Variants in EZR observed in about 807,000 individuals in gnomAD.
EZR encodes ezrin, also known as cytovillin 2.
A neutral mutation model predicts 74.8 loss-of-function variants in EZR; 40 were observed. The observed-to-expected ratio is 0.53, with a 90% CI of 0.42 to 0.70. The LOEUF (loss-of-function observed/expected upper bound fraction) is 0.70, where lower values mean the gene tolerates loss of function less well. Among genes scored for constraint, EZR ranks in the 30% least tolerant of loss-of-function variants. The pLI, the probability that EZR is intolerant of heterozygous loss-of-function variation, is 0.00. For synonymous variants in EZR, 341 were observed against 283.3 expected (o/e 1.20, Z -2.05); for missense variants, 678 against 755.8 (o/e 0.90, Z 1.21).
chr6:158,817,345 C>T lies in EZR; in HGVS notation c.12+737G>A, dbSNP rs73587517. On this transcript the variant is annotated intron_variant, in intron 2 of 13. Coordinates refer to ENST00000367075, the MANE Select transcript of EZR (RefSeq NM_001111077.2). ...GAACCTGCCTTGTGCCTACAACCCCCAGGTCTCGCCAGCAATCTCAACACA... is the reference window on the plus strand; with the variant it reads ...GAACCTGCCTTGTGCCTACAACCCCTAGGTCTCGCCAGCAATCTCAACACA... Among the ~76,000 whole-genome samples the T allele has an allele frequency of 2.5e-3, 378 of 152,328 alleles. 2 individuals carry two copies. The highest frequency in any genetic ancestry group is 0.01 in the Middle Eastern group (3 of 294).
chr6:158,772,642 T>G (rs1791150482), intron 8 of EZR, among the ~76,000 whole-genome samples: 1 of 152,222 alleles, frequency 6.6e-6, no homozygotes, highest in Non-Finnish European at 1.5e-5. Flanking sequence ...CCCAACTCCT[T>G]GCTACTGCTG....
At position 158,818,124 on chromosome 6, in the gene EZR, C is replaced by G; in HGVS notation, c.-31G>C. On this transcript the variant is annotated 5_prime_UTR_variant, in exon 2 of 14. Coordinates refer to ENST00000367075, the MANE Select transcript of EZR (RefSeq NM_001111077.2). ...GTTTCTGGTGAGTATCCTCGATCCC[C>G]GAAAACACGACTATCCAGCAGCAGC... The G allele has an allele frequency of 6.2e-7, 1 of 1,606,348 alleles. No individual in the cohort carries two copies. Among genetic ancestry groups the G allele is most frequent in the Non-Finnish European group, 8.5e-7 (1 of 1,174,846 alleles).
chr6:158,796,834 C>G (rs1777082671), intron 2 of EZR, among the ~76,000 whole-genome samples: 2 of 152,192 alleles, frequency 1.3e-5, no homozygotes, highest in South Asian at 4.1e-4. Context: ...CACGGAGCAT[C>G]CCAGGGAACT....
At chr6:158,776,903 G>A (rs1167712333) in intron 7 of EZR, among the ~76,000 whole-genome samples, 1 of 152,132 alleles carries the variant, frequency 6.6e-6, no homozygotes, top group Non-Finnish European at 1.5e-5. Flanking sequence ...CCACTCTCAA[G>A]CTGTGTGCTG....
chr6:158,783,718 G>T (rs965975830), intron 6 of EZR, 52 bp from the exon 7 acceptor site: 6 of 1,572,472 alleles, frequency 3.8e-6, no homozygotes, highest in Non-Finnish European at 5.2e-6. Flanking sequence ...TCAATATCTA[G>T]AACAGTAAAA....
At chr6:158,798,676 G>A (rs1466708675) in intron 2 of EZR, among the ~76,000 whole-genome samples, 3 of 147,782 alleles carry the variant, frequency 2.0e-5, no homozygotes, top group Non-Finnish European at 4.4e-5. Context: ...CTGTTGCCCA[G>A]GCTGGAGTGC....
intron 1 of EZR, among the ~76,000 whole-genome samples, chr6:158,819,040 G>T (rs2128579116): frequency 6.6e-6 from 1 of 152,236 alleles, no homozygotes; most frequent in African/African-American, 2.4e-5. Context: ...TTCAAAAACT[G>T]CAACCGCTCG....
chr6:158,769,837 T>G lies in EZR; in HGVS notation c.1198A>C (p.Lys400Gln), dbSNP rs745950099. 1 of 1,614,014 alleles carries G rather than the reference T, an allele frequency of 6.2e-7. No homozygotes were observed. Among genetic ancestry groups the G allele is most frequent in the Non-Finnish European group, 8.5e-7 (1 of 1,180,036 alleles). Residue 400 changes from lysine (K) to glutamine (Q), a missense_variant, in exon 11 of 14, where the codon AAG becomes CAG. Lys to Gln is a moderately conservative substitution (Grantham distance 53). This residue lies in a region of EZR where 342 missense variants were observed against 341.2 expected (regional missense o/e 1.00). Transcript: ENST00000367075. ...ACCGCCTGTCTCTCCAGCTCCTCCT[T>G]AGCCCGCAGTGCAGCCATACGGTCA... ...EADRMAALRA[K>Q]EELERQAVDQ...
chr6:158,784,361 TCTGA>T, intron 6 of EZR, among the ~76,000 whole-genome samples: 3 of 152,344 alleles, frequency 2.0e-5, no homozygotes, highest in African/African-American at 7.2e-5. Flanking sequence ...ACAATGCCCC[TCTGA>T]CTAAGATGAA....
At chr6:158,806,198 C>T (rs1229677190) in intron 2 of EZR, among the ~76,000 whole-genome samples, 1 of 152,156 alleles carries the variant, frequency 6.6e-6, no homozygotes, top group Non-Finnish European at 1.5e-5. Context: ...GAGATCAAAT[C>T]AGTTACTCAT....
intron 1 of EZR, 76 bp from the exon 2 acceptor site, chr6:158,818,242 C>T (rs2128578794): frequency 2.6e-6 from 2 of 762,948 alleles, no homozygotes; most frequent in South Asian, 2.1e-5. Flanking sequence ...ACTCGGCGCC[C>T]GCAGCGCGCT....
At chr6:158,813,988 C>T (rs1172486553) in intron 2 of EZR, among the ~76,000 whole-genome samples, 3 of 152,176 alleles carry the variant, frequency 2.0e-5, no homozygotes, top group East Asian at 1.9e-4. Flanking sequence ...GGGAGAAAGG[C>T]GCTCCGCAGT....
chr6:158,811,799 C>A (rs528052443), intron 2 of EZR, among the ~76,000 whole-genome samples: 22 of 151,262 alleles, frequency 1.5e-4, no homozygotes, highest in African/African-American at 4.6e-4. Context: ...GGGTGGGGGC[C>A]GGGGCACTGA....
intron 2 of EZR, among the ~76,000 whole-genome samples, chr6:158,811,689 T>C (rs1024718526): frequency 6.6e-6 from 1 of 152,074 alleles, no homozygotes; most frequent in Non-Finnish European, 1.5e-5. Context: ...CACAGTGAGA[T>C]CTTGTTTCAC....
rs2128564863 is a variant in EZR at position 158,769,883 on chromosome 6, C to T, written c.1152G>A (p.Glu384=). ...GGTCAGCCTCTAGGCGCTCGGCCTC[C>T]TCCTGTGCCCGCTTCCTCTCCTCCT... ...QLEEERKRAQ[E]EAERLEADRM... is the part of the protein sequence containing the mutation. Residue 384 remains glutamate (E), a synonymous_variant, in exon 11 of 14, where the codon GAG becomes GAA. Coordinates refer to ENST00000367075, the MANE Select transcript of EZR (RefSeq NM_001111077.2). The T allele has an allele frequency of 5.0e-6, 8 of 1,613,696 alleles. No homozygotes were observed. Among genetic ancestry groups the T allele is most frequent in the Non-Finnish European group, 6.8e-6 (8 of 1,180,050 alleles).
intron 4 of EZR, 85 bp downstream of exon 4, chr6:158,787,023 G>T: frequency 9.2e-7 from 1 of 1,090,154 alleles, no homozygotes; most frequent in Non-Finnish European, 1.4e-6. Flanking sequence ...GAAAACAAAA[G>T]ACAGGGTGAG....
chr6:158,802,878 A>G (rs1777218096), intron 2 of EZR, among the ~76,000 whole-genome samples: 1 of 152,110 alleles, frequency 6.6e-6, no homozygotes, highest in African/African-American at 2.4e-5. Context: ...TTATCCCTCG[A>G]ATACAGCATC....
Position 158,770,756 on chromosome 6 carries a change from C to G in EZR, c.1090+8G>C. The G allele has an allele frequency of 6.2e-7, 1 of 1,613,738 alleles. No homozygotes were observed. Among genetic ancestry groups the G allele is most frequent in the East Asian group, 2.2e-5 (1 of 44,882 alleles). ...CCAGTGTAGAGTGCCAGCCCCAGGGCGCCTGACCTCTCTCTGCCTTCTTTG... is the reference window on the plus strand; with the variant it reads ...CCAGTGTAGAGTGCCAGCCCCAGGGGGCCTGACCTCTCTCTGCCTTCTTTG... On this transcript the variant is annotated splice_region_variant and intron_variant, in intron 10 of 13. Coordinates refer to ENST00000367075, the MANE Select transcript of EZR (RefSeq NM_001111077.2).
At chr6:158,785,278 T>C in intron 5 of EZR, 31 bp downstream of exon 5, 1 of 1,607,738 alleles carries the variant, frequency 6.2e-7, no homozygotes, top group Non-Finnish European at 8.5e-7. Flanking sequence ...GCATGACTGC[T>C]CCTGCCCAGG....
Sources: allele counts gnomAD v4.1 joint callset (sites outside exome capture counted in the v4.1 genomes callset), GRCh38; gene constraint gnomAD v4.1.1; regional missense constraint gnomAD v4.1.1; transcripts MANE v1.5; gene names NCBI Gene and HGNC (gene_info 2026-07-23, HGNC 2026-07-21).